Variants in RNASET2 observed in about 807,000 individuals in gnomAD.
RNASET2 encodes ribonuclease 6.
RNASET2 carries 28 observed loss-of-function variants against 33.9 expected under a neutral mutation model. That is an observed-to-expected ratio of 0.83 (90% CI 0.61 to 1.13). The LOEUF is 1.13. RNASET2 is among the 50% of genes most tolerant of loss of function. The pLI, the probability that RNASET2 is intolerant of heterozygous loss-of-function variation, is 0.00. For synonymous variants in RNASET2, 123 were observed against 121.0 expected, an observed-to-expected ratio of 1.02 and a Z score of -0.11; for missense variants, 330 against 319.9, an observed-to-expected ratio of 1.03 and a Z score of -0.24.
At chr6:166,955,219 ACGCGCACACACG>A (rs1779088987) in intron 1 of RNASET2, among the ~76,000 whole-genome samples, 1 of 88,872 alleles carries the variant, frequency 1.1e-5, no homozygotes, top group Non-Finnish European at 2.0e-5. Context: ...GCACGCACAC[ACGCGCACACACG>A]CACGCACGCA....
chr6:166,927,135 C>T lies in RNASET2; in HGVS notation c.*2453G>A, dbSNP rs139405864. On this transcript the variant is annotated 3_prime_UTR_variant, in exon 9 of 9. Coordinates refer to ENST00000508775, the MANE Select transcript of RNASET2 (RefSeq NM_003730.6). ...TCCTGAGTTGAATCTGGAAAATGCA[C>T]GACCTACTTGTTTAATGATGTAAAA... Among the ~76,000 whole-genome samples, 61 of 152,306 alleles carry T rather than the reference C, an allele frequency of 4.0e-4. No homozygotes were observed. Among genetic ancestry groups the T allele is most frequent in the Non-Finnish European group, 7.2e-4 (49 of 68,018 alleles).
intron 6 of RNASET2, chr6:166,935,196 A>T (rs1211587838): frequency 7.2e-6 from 1 of 139,322 alleles, no homozygotes; most frequent in African/African-American, 2.7e-5. Context: ...TATGAATAAC[A>T]GGTTTCAGAC....
chr6:166,955,229 A>ACG (rs1424453604), intron 1 of RNASET2, among the ~76,000 whole-genome samples: 21,854 of 85,326 alleles, frequency 0.26, 3,827 homozygotes, highest in East Asian at 0.48. Flanking sequence ...ACGCGCACAC[A>ACG]CGCACGCACG....
intron 3 of RNASET2, among the ~76,000 whole-genome samples, chr6:166,947,747 A>C (rs1778882517): frequency 6.6e-6 from 1 of 152,158 alleles, no homozygotes; most frequent in Non-Finnish European, 1.5e-5. Context: ...GGCACCAATT[A>C]AGCTAAAAGG....
At chr6:166,935,484 A>C (rs1425879199) in intron 6 of RNASET2, among the ~76,000 whole-genome samples, 2 of 152,164 alleles carry the variant, frequency 1.3e-5, no homozygotes, top group East Asian at 1.9e-4. Flanking sequence ...CACCTAACCC[A>C]GCATCATGCT....
At chr6:166,940,392 A>G (rs1778666368) in intron 5 of RNASET2, among the ~76,000 whole-genome samples, 1 of 152,234 alleles carries the variant, frequency 6.6e-6, no homozygotes, top group Admixed American at 6.5e-5. Flanking sequence ...AAAGTTGAAA[A>G]CAGGAACGAT....
At chr6:166,930,451 A>G (rs1778392628) in intron 8 of RNASET2, among the ~76,000 whole-genome samples, 1 of 152,202 alleles carries the variant, frequency 6.6e-6, no homozygotes, top group Admixed American at 6.5e-5. Flanking sequence ...CACACAGCAC[A>G]TACCCACATG....
In RNASET2 at chr6:166,929,657, C is replaced by G; in HGVS notation, c.702G>C (p.Glu234Asp). Reference protein sequence around the residue: ...QEVWLANGAAESRGLRVCEDG... With the variant: ...QEVWLANGAADSRGLRVCEDG... The stretch of plus-strand genomic sequence containing the variant: ...CTTCACAGACTCTCAGACCCCGGCT[C>G]TCGGCGGCCCCATTTGCCAGCCAGA... Residue 234 changes from glutamate (E) to aspartate (D), a missense_variant, in exon 9 of 9, where the codon GAG becomes GAC. Coordinates refer to ENST00000508775, the MANE Select transcript of RNASET2 (RefSeq NM_003730.6). 1.2e-6 allele frequency: 2 copies of G among 1,614,142 alleles called. No individual in the cohort carries two copies. The highest frequency in any genetic ancestry group is 1.7e-6 in the Non-Finnish European group (2 of 1,180,028).
chr6:166,938,864 G>C (rs1193308381), intron 6 of RNASET2, 31 bp downstream of exon 6: 3 of 1,490,216 alleles, frequency 2.0e-6, no homozygotes. Flanking sequence ...ATCCCCACTG[G>C]GAAGTGCAGC....
At chr6:166,937,170 C>G (rs1385696747) in intron 6 of RNASET2, among the ~76,000 whole-genome samples, 1 of 152,078 alleles carries the variant, frequency 6.6e-6, no homozygotes, top group Non-Finnish European at 1.5e-5. Flanking sequence ...CAGTTTTGCT[C>G]TTTTCGCACA....
intron 1 of RNASET2, among the ~76,000 whole-genome samples, chr6:166,955,298 GCGCACACACGACA>G (rs1562507207): frequency 8.5e-4 from 27 of 31,926 alleles, no homozygotes; most frequent in South Asian, 6.0e-3. Flanking sequence ...ACGCACAGAC[GCGCACACACGACA>G]CACACGCACA....
At chr6:166,930,999 C>T in intron 8 of RNASET2, 45 bp downstream of exon 8, 21 of 1,343,880 alleles carry the variant, frequency 1.6e-5, no homozygotes, top group Non-Finnish European at 2.1e-5. Context: ...AAAGTAGAAC[C>T]TGTCTTCTTG....
intron 1 of RNASET2, among the ~76,000 whole-genome samples, chr6:166,955,300 GCACA>G (rs1215426195): frequency 1.9e-4 from 10 of 53,172 alleles, no homozygotes; most frequent in South Asian, 8.2e-4. Flanking sequence ...GCACAGACGC[GCACA>G]CACGACACAC....
chr6:166,947,771 C>CCGGCAT (rs1373728226), intron 3 of RNASET2, among the ~76,000 whole-genome samples: 2 of 152,126 alleles, frequency 1.3e-5, no homozygotes, highest in African/African-American at 4.8e-5. Flanking sequence ...CTTTTCAATC[C>CCGGCAT]CGGCATCGAG....
intron 1 of RNASET2, among the ~76,000 whole-genome samples, chr6:166,955,189 GCACA>G (rs201397139): frequency 1.2e-4 from 7 of 56,648 alleles, no homozygotes; most frequent in East Asian, 1.1e-3. Flanking sequence ...ACACACACAC[GCACA>G]CACGCACGCA....
At chr6:166,948,203 G>A (rs779355816) in intron 3 of RNASET2, among the ~76,000 whole-genome samples, 28 of 152,180 alleles carry the variant, frequency 1.8e-4, no homozygotes, top group African/African-American at 4.6e-4. Flanking sequence ...AAAAATAGCC[G>A]GGTGTGGTGG....
chr6:166,946,550 A>G, intron 4 of RNASET2, 132 bp downstream of exon 4: 1 of 691,752 alleles, frequency 1.4e-6, no homozygotes, highest in Non-Finnish European at 2.6e-6. Flanking sequence ...CTAAAACAGC[A>G]GCAAGGGCTC....
At chr6:166,931,659 C>T (rs1778445312) in intron 7 of RNASET2, 1 of 174,618 alleles carries the variant, frequency 5.7e-6, no homozygotes, top group Non-Finnish European at 1.2e-5. Flanking sequence ...GAGGGGCCTC[C>T]TCCTCGCTCT....
Position 166,923,398 on chromosome 6 carries a change from T to C in RNASET2, c.*6190A>G, listed in dbSNP as rs1778262253. 6.6e-6 allele frequency among the ~76,000 whole-genome samples: 1 copy of C among 152,006 alleles called. No individual in the cohort carries two copies. Among genetic ancestry groups the C allele is most frequent in the Non-Finnish European group, 1.5e-5 (1 of 68,010 alleles). On this transcript the variant is annotated 3_prime_UTR_variant, in exon 9 of 9. Coordinates refer to ENST00000508775, the MANE Select transcript of RNASET2 (RefSeq NM_003730.6). ...GCCACCACACCCAGCTAATGTATTT[T>C]TAGTAGAGATAGGGTTTCGTCCTGT...
Sources: gnomAD v4.1 joint callset for allele counts (sites outside exome capture counted in the v4.1 genomes callset) on GRCh38, gnomAD v4.1.1 for gene constraint, MANE v1.5 for transcripts, NCBI Gene and HGNC (gene_info 2026-07-23, HGNC 2026-07-21) for gene names.